Variants in PTCHD4 observed in about 807,000 individuals in gnomAD.
PTCHD4 encodes patched domain containing 4.
In PTCHD4, 33 loss-of-function variants were observed where a neutral mutation model predicts 58.1. The ratio of observed to expected loss-of-function variants is 0.57; its 90% CI spans 0.43 to 0.76. The LOEUF is 0.76. Ranked by LOEUF, PTCHD4 falls within the 30% of genes least tolerant of loss-of-function variation. The pLI, the probability that PTCHD4 is intolerant of heterozygous loss-of-function variation, is 0.00. For synonymous variants in PTCHD4, 478 were observed against 409.6 expected (o/e 1.17, Z -2.02); for missense variants, 1,058 against 1,027.1 (o/e 1.03, Z -0.41).
chr6:47,936,794 A>G (rs1210765389), intron 4 of PTCHD4, among the ~76,000 whole-genome samples: 2 of 152,204 alleles, frequency 1.3e-5, no homozygotes, highest in Non-Finnish European at 2.9e-5. Context: ...ATAATATAAT[A>G]AATAAGTAAA....
At chr6:47,939,618 T>C (rs911354718) in intron 4 of PTCHD4, among the ~76,000 whole-genome samples, 1 of 152,136 alleles carries the variant, frequency 6.6e-6, no homozygotes, top group African/African-American at 2.4e-5. Flanking sequence ...ATCTATCCTT[T>C]GTGTGCAACG....
At chr6:47,936,432 A>G (rs978605651) in intron 4 of PTCHD4, among the ~76,000 whole-genome samples, 7 of 152,166 alleles carry the variant, frequency 4.6e-5, no homozygotes, top group Non-Finnish European at 8.8e-5. Flanking sequence ...TTTCAAAAAC[A>G]TTTCCTCAAA....
At position 47,877,163 on chromosome 6, in the gene PTCHD4, A is replaced by G. The variant is rs6938474; in HGVS notation, c.*1140T>C. ...GGCATGTGATGAGTGGGTATGGTCC[A>G]TTTTATTCTATTTCACTCTACGAGT... On this transcript the variant is annotated 3_prime_UTR_variant, in exon 5 of 5. Coordinates refer to ENST00000339488, the MANE Select transcript of PTCHD4 (RefSeq NM_001384253.1). Among the ~76,000 whole-genome samples, 1 of 151,794 alleles carries G rather than the reference A, an allele frequency of 6.6e-6. No homozygotes were observed. The highest frequency in any genetic ancestry group is 1.5e-5 in the Non-Finnish European group (1 of 67,922).
chr6:47,984,570 A>G (rs1228958927), intron 4 of PTCHD4, among the ~76,000 whole-genome samples: 1 of 152,170 alleles, frequency 6.6e-6, no homozygotes, highest in Admixed American at 6.5e-5. Flanking sequence ...TCATCTTAAT[A>G]CAATGATTTA....
chr6:47,911,737 G>T (rs1312736495), intron 4 of PTCHD4, among the ~76,000 whole-genome samples: 1 of 152,048 alleles, frequency 6.6e-6, no homozygotes, highest in East Asian at 1.9e-4. Flanking sequence ...TCTACATTCT[G>T]ATGTCAAGTA....
intron 3 of PTCHD4, among the ~76,000 whole-genome samples, chr6:48,019,033 A>G (rs1762964126): frequency 1.3e-5 from 2 of 152,222 alleles, no homozygotes; most frequent in Admixed American, 1.3e-4. Flanking sequence ...CTTTGACTGG[A>G]AAAGTAGATC....
Position 47,988,223 on chromosome 6 carries a change from G to T in PTCHD4, c.898+20411C>A, listed in dbSNP as rs534693161. Among the ~76,000 whole-genome samples, 20 of 152,326 alleles carry T rather than the reference G, an allele frequency of 1.3e-4. No individual in the cohort carries two copies. The East Asian group carries it at 3.5e-3, about 26-fold the overall frequency. On this transcript the variant is annotated intron_variant, in intron 4 of 4. Transcript: ENST00000339488. ...GACAGGGAACCTAAAGCTGTGACTA[G>T]ATTTGAAATGTTTTCCAATTAGTAG...
chr6:47,964,970 G>C (rs988554846), intron 4 of PTCHD4, among the ~76,000 whole-genome samples: 1 of 151,632 alleles, frequency 6.6e-6, no homozygotes, highest in Non-Finnish European at 1.5e-5. Flanking sequence ...TACTTTCTGG[G>C]GTATGACAGT....
At chr6:48,003,027 C>T (rs1322298712) in intron 4 of PTCHD4, among the ~76,000 whole-genome samples, 1 of 152,144 alleles carries the variant, frequency 6.6e-6, no homozygotes, top group Non-Finnish European at 1.5e-5. Flanking sequence ...GTTATTCTCT[C>T]TTGCTTCTCA....
At chr6:48,081,882 G>T (rs759654516) in intron 1 of PTCHD4, among the ~76,000 whole-genome samples, 9 of 152,136 alleles carry the variant, frequency 5.9e-5, no homozygotes, top group Non-Finnish European at 1.0e-4. Flanking sequence ...CATTACTAAA[G>T]AAAACTGTGG....
chr6:48,075,439 G>GGTTTTTTTT (rs1562040806), intron 1 of PTCHD4, among the ~76,000 whole-genome samples: 1 of 136,772 alleles, frequency 7.3e-6, no homozygotes. Flanking sequence ...AGTTTTGTGG[G>GGTTTTTTTT]TTTTTTTTTT....
rs113571170 is a variant in PTCHD4, at chr6:47,931,322, A to G, written c.899-51386T>C. Among the ~76,000 whole-genome samples, 645 of 152,332 alleles carry G rather than the reference A, an allele frequency of 4.2e-3. 4 individuals carry two copies. The highest frequency in any genetic ancestry group is 0.014 in the African/African-American group (590 of 41,574). ...GGTCTTAACCACCACACATGCAAAT[A>G]TCATGAGAGTCCAATCAGAGTTATA... On this transcript the variant is annotated intron_variant, in intron 4 of 4. Coordinates refer to ENST00000339488, the MANE Select transcript of PTCHD4 (RefSeq NM_001384253.1).
At chr6:48,103,566 G>T (rs1406124077) in intron 1 of PTCHD4, among the ~76,000 whole-genome samples, 2 of 152,206 alleles carry the variant, frequency 1.3e-5, no homozygotes, top group Non-Finnish European at 2.9e-5. Flanking sequence ...AAGGAACGCA[G>T]CTCCTCACCA....
intron 4 of PTCHD4, among the ~76,000 whole-genome samples, chr6:47,967,742 C>G (rs562598461): frequency 6.6e-6 from 1 of 152,296 alleles, no homozygotes; most frequent in African/African-American, 2.4e-5. Flanking sequence ...CATCTTCTCT[C>G]CCTAAACTTC....
chr6:48,103,920 A>G (rs886364113), intron 1 of PTCHD4, among the ~76,000 whole-genome samples: 1 of 152,138 alleles, frequency 6.6e-6, no homozygotes, highest in Non-Finnish European at 1.5e-5. Context: ...AAAAAGAAAC[A>G]AACAAAGCCT....
Position 47,863,410 on chromosome 6 carries a change from A to C in PTCHD4, c.*14893T>G, listed in dbSNP as rs892904143. 6.6e-6 allele frequency among the ~76,000 whole-genome samples: 1 copy of C among 151,882 alleles called. No homozygotes were observed. Among genetic ancestry groups the C allele is most frequent in the African/African-American group, 2.4e-5 (1 of 41,404 alleles). On this transcript the variant is annotated 3_prime_UTR_variant, in exon 5 of 5. Transcript: ENST00000339488. ...ACATGAAAAATAGTACTTTACTATT[A>C]TTTGGCCTAATAATATAATAGTGTT...
intron 4 of PTCHD4, among the ~76,000 whole-genome samples, chr6:47,973,822 A>G (rs1356946369): frequency 1.3e-5 from 2 of 152,238 alleles, no homozygotes; most frequent in African/African-American, 4.8e-5. Flanking sequence ...GTGAAGTTAA[A>G]GCCATGCTCT....
At chr6:48,061,507 T>A (rs968654037) in intron 3 of PTCHD4, among the ~76,000 whole-genome samples, 8 of 152,182 alleles carry the variant, frequency 5.3e-5, no homozygotes, top group Admixed American at 1.3e-4. Context: ...AGTGCTGAGG[T>A]CAACCTTGAG....
chr6:47,958,146 C>T (rs1766942715), intron 4 of PTCHD4, among the ~76,000 whole-genome samples: 1 of 152,016 alleles, frequency 6.6e-6, no homozygotes, highest in Non-Finnish European at 1.5e-5. Flanking sequence ...AGCCAAAATA[C>T]CCTCTATTTG....
Sources: allele counts gnomAD v4.1 joint callset (sites outside exome capture counted in the v4.1 genomes callset), GRCh38; gene constraint gnomAD v4.1.1; transcripts MANE v1.5; gene names NCBI Gene and HGNC (gene_info 2026-07-23, HGNC 2026-07-21).